The following DPP6 variants were observed in gnomAD, a reference collection of about 807,000 sequenced individuals.
The protein encoded by DPP6 is dipeptidyl peptidase like 6.
A neutral mutation model predicts 122.6 loss-of-function variants in DPP6; 69 were observed. The observed-to-expected ratio is 0.56, with a 90% CI of 0.46 to 0.69. DPP6 has a LOEUF of 0.69. DPP6 is among the 30% of genes least tolerant of loss of function. The pLI is 0.00. For synonymous variants in DPP6, 418 were observed against 433.1 expected, an observed-to-expected ratio of 0.97 and a Z score of 0.43; for missense variants, 928 against 1,116.9, an observed-to-expected ratio of 0.83 and a Z score of 2.41.
At chr7:154,054,214 G>A (rs771444832) in intron 1 of DPP6, among the ~76,000 whole-genome samples, 17 of 151,984 alleles carry the variant, frequency 1.1e-4, no homozygotes, top group African/African-American at 3.9e-4. Flanking sequence ...GTACATTGCC[G>A]GGCACTGAGT....
chr7:154,168,986 A>G (rs542170697), intron 1 of DPP6, among the ~76,000 whole-genome samples: 2 of 152,354 alleles, frequency 1.3e-5, no homozygotes, highest in African/African-American at 4.8e-5. Context: ...ACAAAAAAAC[A>G]AAAAACAAAG....
chr7:153,809,589 G>A, the DPP6 span, among the ~76,000 whole-genome samples: 1 of 152,196 alleles, frequency 6.6e-6, no homozygotes, highest in Non-Finnish European at 1.5e-5. Flanking sequence ...GGAGGAGCTT[G>A]CAGCCCTTTC....
chr7:154,300,453 C>T (rs551812011), intron 1 of DPP6, among the ~76,000 whole-genome samples: 1 of 152,328 alleles, frequency 6.6e-6, no homozygotes, highest in South Asian at 2.1e-4. Flanking sequence ...TCTTCCTAGA[C>T]ACAAAGGGAG....
At chr7:154,407,930 C>T (rs562073357) in intron 1 of DPP6, among the ~76,000 whole-genome samples, 32 of 152,274 alleles carry the variant, frequency 2.1e-4, no homozygotes, top group African/African-American at 7.5e-4. Flanking sequence ...ATCTAAGCAA[C>T]CTTGTGCAAG....
intron 17 of DPP6, among the ~76,000 whole-genome samples, chr7:154,855,712 C>A (rs189959351): frequency 1.2e-4 from 18 of 152,348 alleles, no homozygotes; most frequent in Admixed American, 9.8e-4. Flanking sequence ...TGGAGTCTGA[C>A]AGACATACTC....
chr7:154,825,067 G>A (rs564775318), intron 16 of DPP6, among the ~76,000 whole-genome samples: 2 of 152,234 alleles, frequency 1.3e-5, no homozygotes, highest in East Asian at 3.9e-4. Flanking sequence ...TTCTTTTGGC[G>A]AAATGAAACA....
At chr7:153,962,319 A>G (rs1420048556) in intron 1 of DPP6, among the ~76,000 whole-genome samples, 1 of 152,160 alleles carries the variant, frequency 6.6e-6, no homozygotes, top group African/African-American at 2.4e-5. Context: ...GCAGAATCTG[A>G]TGCTAGTGAC....
intron 7 of DPP6, among the ~76,000 whole-genome samples, chr7:154,710,140 C>T (rs1469026068): frequency 2.0e-5 from 3 of 152,202 alleles, no homozygotes; most frequent in Non-Finnish European, 4.4e-5. Context: ...CAGCTTGGTG[C>T]AGGGAGCAGG....
chr7:154,123,024 T>C (rs556379858), intron 1 of DPP6, among the ~76,000 whole-genome samples: 1 of 152,188 alleles, frequency 6.6e-6, no homozygotes, highest in East Asian at 1.9e-4. Flanking sequence ...ACTGTTTTTC[T>C]GTCCGAAAAA....
intron 12 of DPP6, among the ~76,000 whole-genome samples, chr7:154,800,293 CAT>C (rs1179949815): frequency 6.6e-5 from 10 of 152,188 alleles, no homozygotes; most frequent in African/African-American, 2.4e-4. Context: ...CTGGGCATAT[CAT>C]ATCTGCATGG....
At chr7:153,806,967 C>T in the DPP6 span, among the ~76,000 whole-genome samples, 5 of 152,000 alleles carry the variant, frequency 3.3e-5, no homozygotes, top group East Asian at 9.6e-4. Flanking sequence ...ACTGAAGGAC[C>T]CCTCCGGCCT....
chr7:154,527,007 G>A (rs1324713472), intron 3 of DPP6, among the ~76,000 whole-genome samples: 1 of 152,130 alleles, frequency 6.6e-6, no homozygotes, highest in Admixed American at 6.6e-5. Flanking sequence ...AGCCCAAAAG[G>A]GATGAAATGA....
At chr7:154,094,010 A>T (rs538919430) in intron 1 of DPP6, 52 of 152,300 alleles carry the variant, frequency 3.4e-4, no homozygotes, top group African/African-American at 1.2e-3. Context: ...AGCAATTTCT[A>T]AGTCTGAAAA....
At position 154,760,102 on chromosome 7, in the gene DPP6, G is replaced by A. The variant is rs1298686978; in HGVS notation, c.884-9315G>A. Among the ~76,000 whole-genome samples the A allele has an allele frequency of 6.6e-6, 1 of 152,190 alleles. No homozygotes were observed. Among genetic ancestry groups the A allele is most frequent in the Non-Finnish European group, 1.5e-5 (1 of 68,040 alleles). ...CATGCCATTGCACTCCAGCCTAGGT[G>A]ACAGAGCGAGATTCTGTCTCAAAAC... On this transcript the variant is annotated intron_variant, in intron 8 of 25. Transcript: ENST00000377770. This position sits in a 1 kb window ranked among gnomAD's most constrained non-coding sequence, Gnocchi z 4.5.
chr7:154,262,237 C>T (rs1002773369), intron 1 of DPP6, among the ~76,000 whole-genome samples: 4 of 152,112 alleles, frequency 2.6e-5, no homozygotes, highest in African/African-American at 9.7e-5. Context: ...TGTGTGGACT[C>T]CCCACCCCAG....
intron 1 of DPP6, among the ~76,000 whole-genome samples, chr7:154,188,124 A>C (rs1798439849): frequency 6.6e-6 from 1 of 152,028 alleles, no homozygotes; most frequent in South Asian, 2.1e-4. Flanking sequence ...AAAGACCGGG[A>C]GTGGAAGGCA....
At chr7:154,495,378 G>A (rs1056566117) in intron 3 of DPP6, among the ~76,000 whole-genome samples, 2 of 42,366 alleles carry the variant, frequency 4.7e-5, no homozygotes, top group African/African-American at 2.2e-4. Context: ...GGCTTTGGGG[G>A]GTTTGTTGTG....
At chr7:154,353,291 A>G (rs1811020334) in intron 1 of DPP6, among the ~76,000 whole-genome samples, 1 of 152,228 alleles carries the variant, frequency 6.6e-6, no homozygotes, top group African/African-American at 2.4e-5. Context: ...ATTTTCTCGT[A>G]GCAAGAGTCT....
the DPP6 span, among the ~76,000 whole-genome samples, chr7:153,880,277 TA>T: frequency 6.6e-6 from 1 of 152,244 alleles, no homozygotes; most frequent in South Asian, 2.1e-4. Flanking sequence ...ACAAGAACTC[TA>T]AAATATATAC....
Sources: allele counts gnomAD v4.1 joint callset (sites outside exome capture counted in the v4.1 genomes callset), GRCh38; gene constraint gnomAD v4.1.1; non-coding constraint Gnocchi (gnomAD v3.1); transcripts MANE v1.5; gene names NCBI Gene and HGNC (gene_info 2026-07-23, HGNC 2026-07-21).